Variants in TMPRSS3 observed in about 807,000 individuals in gnomAD.
TMPRSS3 encodes the protein transmembrane serine protease 3, also known as transmembrane protease serine 3.
A neutral mutation model predicts 59.6 loss-of-function variants in TMPRSS3; 55 were observed. The ratio of observed to expected loss-of-function variants is 0.92; its 90% CI spans 0.74 to 1.16. The LOEUF (loss-of-function observed/expected upper bound fraction) is 1.16. Among genes scored for constraint, TMPRSS3 ranks in the 50% most tolerant of loss-of-function variants. The pLI is 0.00. For synonymous variants in TMPRSS3, 257 were observed against 237.7 expected (o/e 1.08, Z -0.75); for missense variants, 596 against 579.4 (o/e 1.03, Z -0.29).
At chr21:42,382,754 A>T in intron 8 of TMPRSS3, 1 of 526,060 alleles carries the variant, frequency 1.9e-6, no homozygotes, top group Non-Finnish European at 3.4e-6. Context: ...AGGTCCTTTC[A>T]TTTTTGTGGG....
intron 8 of TMPRSS3, chr21:42,382,637 G>A (rs1601522982): frequency 2.6e-6 from 1 of 391,684 alleles, no homozygotes; most frequent in East Asian, 5.7e-5. Flanking sequence ...ATTTTAAGAA[G>A]AGACCCAGTA....
At chr21:42,374,780 C>T (rs1436952391) in intron 12 of TMPRSS3, among the ~76,000 whole-genome samples, 4 of 152,086 alleles carry the variant, frequency 2.6e-5, no homozygotes, top group Admixed American at 2.0e-4. Context: ...CTTACTTTGA[C>T]GTCATTGTTA....
At chr21:42,382,028 G>C in intron 9 of TMPRSS3, 37 bp downstream of exon 9, 1 of 1,614,088 alleles carries the variant, frequency 6.2e-7, no homozygotes, top group South Asian at 1.1e-5. Context: ...TTGAAACAAA[G>C]GAAGAGCTGC....
At chr21:42,373,273 A>G (rs8127692) in intron 12 of TMPRSS3, among the ~76,000 whole-genome samples, 8,900 of 152,248 alleles carry the variant, frequency 0.058, 568 homozygotes, top group African/African-American at 0.16. Context: ...CCTCCCAGGA[A>G]AGGAAGTCTC....
intron 12 of TMPRSS3, among the ~76,000 whole-genome samples, chr21:42,375,097 C>A (rs2052398677): frequency 6.6e-6 from 1 of 152,094 alleles, no homozygotes. Flanking sequence ...CCCAGCGAAG[C>A]CCTAAGCCTC....
chr21:42,380,712 G>A (rs766630907), intron 9 of TMPRSS3, among the ~76,000 whole-genome samples: 9 of 152,224 alleles, frequency 5.9e-5, no homozygotes, highest in Non-Finnish European at 1.2e-4. Flanking sequence ...ATATTGCTAT[G>A]GTTCCTGGGA....
At chr21:42,394,722 TCCAAGC>T (rs377530983) in intron 2 of TMPRSS3, among the ~76,000 whole-genome samples, 1 of 152,184 alleles carries the variant, frequency 6.6e-6, no homozygotes, top group African/African-American at 2.4e-5. Flanking sequence ...TCTGCCTGCG[TCCAAGC>T]CCTGACTTCC....
At chr21:42,380,067 C>T in intron 10 of TMPRSS3, 50 bp downstream of exon 10, 1 of 1,510,290 alleles carries the variant, frequency 6.6e-7, no homozygotes, top group Non-Finnish European at 9.2e-7. Flanking sequence ...CTCCGCAGCC[C>T]TCTGGGTTCT....
chr21:42,379,618 T>C (rs2052486942), intron 10 of TMPRSS3, among the ~76,000 whole-genome samples: 1 of 152,190 alleles, frequency 6.6e-6, no homozygotes. Flanking sequence ...TGGCCCGGGC[T>C]TCATTTGCAT....
chr21:42,374,769 A>G (rs932109478), intron 12 of TMPRSS3, among the ~76,000 whole-genome samples: 1 of 152,170 alleles, frequency 6.6e-6, no homozygotes, highest in East Asian at 1.9e-4. Context: ...AAAAAAACGT[A>G]CTTACTTTGA....
At chr21:42,378,904 A>T (rs2146428060) in intron 10 of TMPRSS3, among the ~76,000 whole-genome samples, 1 of 139,814 alleles carries the variant, frequency 7.2e-6, no homozygotes, top group Admixed American at 7.5e-5. Context: ...GTTTGTTTTG[A>T]GATGGAGCCT....
intron 9 of TMPRSS3, among the ~76,000 whole-genome samples, chr21:42,380,505 G>T (rs536771975): frequency 6.6e-6 from 1 of 152,208 alleles, no homozygotes; most frequent in Admixed American, 6.5e-5. Context: ...TGTAGGCTTC[G>T]TGGGCTGTGC....
intron 12 of TMPRSS3, among the ~76,000 whole-genome samples, chr21:42,375,216 C>A (rs189714613): frequency 2.7e-3 from 408 of 150,586 alleles, no homozygotes; most frequent in Admixed American, 5.0e-3. Context: ...CACGCCTCCC[C>A]CTCCGGGACC....
At chr21:42,378,076 C>T (rs2052460656) in intron 10 of TMPRSS3, among the ~76,000 whole-genome samples, 1 of 152,220 alleles carries the variant, frequency 6.6e-6, no homozygotes, top group African/African-American at 2.4e-5. Flanking sequence ...CCAGCTCCCA[C>T]CACACACCAG....
At chr21:42,380,506 T>G (rs2052508924) in intron 9 of TMPRSS3, among the ~76,000 whole-genome samples, 1 of 152,216 alleles carries the variant, frequency 6.6e-6, no homozygotes, top group African/African-American at 2.4e-5. Flanking sequence ...GTAGGCTTCG[T>G]GGGCTGTGCG....
chr21:42,376,748 A>C, intron 10 of TMPRSS3, 65 bp from the exon 11 acceptor site: 1 of 1,611,010 alleles, frequency 6.2e-7, no homozygotes, highest in Non-Finnish European at 8.5e-7. Flanking sequence ...CAGAAGGCGC[A>C]TGCTGAGACC....
intron 2 of TMPRSS3, among the ~76,000 whole-genome samples, chr21:42,394,365 T>C (rs1418690512): frequency 6.6e-6 from 1 of 152,136 alleles, no homozygotes; most frequent in Non-Finnish European, 1.5e-5. Flanking sequence ...AAACCTTTTA[T>C]GGAAAAAACC....
chr21:42,386,776 G>GA (rs779713159), intron 5 of TMPRSS3, among the ~76,000 whole-genome samples: 52 of 150,176 alleles, frequency 3.5e-4, no homozygotes, highest in African/African-American at 1.2e-3. Context: ...ACCGTCCTTT[G>GA]GTTATTTATT....
At chr21:42,374,631 G>A (rs2146419025) in intron 12 of TMPRSS3, among the ~76,000 whole-genome samples, 1 of 152,216 alleles carries the variant, frequency 6.6e-6, no homozygotes, top group South Asian at 2.1e-4. Flanking sequence ...CGTGTCTTTT[G>A]GGAGATGAGA....
Sources: gnomAD v4.1 joint callset for allele counts (sites outside exome capture counted in the v4.1 genomes callset) on GRCh38, gnomAD v4.1.1 for gene constraint, MANE v1.5 for transcripts, NCBI Gene and HGNC (gene_info 2026-07-23, HGNC 2026-07-21) for gene names.